Variants in BIRC6 observed in about 807,000 individuals in gnomAD.
BIRC6 encodes dual E2 ubiquitin-conjugating enzyme/E3 ubiquitin-protein ligase BIRC6.
A neutral mutation model predicts 503.3 loss-of-function variants in BIRC6; 98 were observed. The ratio of observed to expected loss-of-function variants is 0.19; its 90% CI spans 0.17 to 0.23. The LOEUF is 0.23. BIRC6 is among the 10% of genes least tolerant of loss of function. The probability of loss-of-function intolerance (pLI) is 1.00; values close to 1 mark genes in which losing one functional copy is unlikely to be tolerated. For synonymous variants in BIRC6, 2,240 were observed against 2,078.7 expected, an observed-to-expected ratio of 1.08 and a Z score of -2.11; for missense variants, 5,360 against 5,806.0, an observed-to-expected ratio of 0.92 and a Z score of 2.50.
Position 32,509,831 on chromosome 2 carries a change from G to C in BIRC6, c.10074G>C (p.Leu3358=). ...GTGCAGCTGCACCTACTGCTAATCT[G>C]CTGCAGACTTGTGCGGCCTTATTGA... ...MASAAAPTAN[L]LQTCAALLMS... The change falls in exon 52 of 74, where the codon CTG becomes CTC. Residue 3358 remains leucine (L), a synonymous_variant. Coordinates refer to ENST00000421745, the MANE Select transcript of BIRC6 (RefSeq NM_016252.4). 12 of 1,613,984 alleles carry C rather than the reference G, an allele frequency of 7.4e-6. No individual in the cohort carries two copies. Among genetic ancestry groups the C allele is most frequent in the Non-Finnish European group, 1.0e-5 (12 of 1,179,880 alleles).
intron 32 of BIRC6, among the ~76,000 whole-genome samples, chr2:32,472,735 T>C (rs557280265): frequency 6.6e-6 from 1 of 152,326 alleles, no homozygotes; most frequent in East Asian, 1.9e-4. Context: ...TTGAGTATCC[T>C]TTTTTGGTTC....
chr2:32,541,304 A>G (rs1260059796), intron 61 of BIRC6, among the ~76,000 whole-genome samples: 3 of 152,062 alleles, frequency 2.0e-5, no homozygotes, highest in Non-Finnish European at 2.9e-5. Context: ...CAATTAGGCT[A>G]TTTCATATTG....
At chr2:32,435,672 T>G in intron 14 of BIRC6, 87 bp downstream of exon 14, 1 of 1,356,316 alleles carries the variant, frequency 7.4e-7, no homozygotes, top group Non-Finnish European at 9.7e-7. Flanking sequence ...TCCTTATGGC[T>G]TGCAAAAACT....
chr2:32,452,972 A>G (rs1013413118), intron 22 of BIRC6, among the ~76,000 whole-genome samples: 2 of 151,984 alleles, frequency 1.3e-5, no homozygotes, highest in African/African-American at 2.4e-5. Context: ...ATAGTCCTTC[A>G]GCTGTTAATG....
chr2:32,390,002 G>C (rs1274220702), intron 4 of BIRC6, among the ~76,000 whole-genome samples: 1 of 151,746 alleles, frequency 6.6e-6, no homozygotes, highest in Non-Finnish European at 1.5e-5. Flanking sequence ...TGGGATTACA[G>C]ACATGTGCCA....
intron 31 of BIRC6, 48 bp downstream of exon 31, chr2:32,470,349 A>G: frequency 7.0e-7 from 1 of 1,427,822 alleles, no homozygotes; most frequent in Non-Finnish European, 9.4e-7. Flanking sequence ...ATTCCTGCAA[A>G]TATTTCTTTT....
Position 32,436,124 on chromosome 2 carries a change from G to A in BIRC6, c.3571G>A (p.Gly1191Ser). 1 of 1,498,406 alleles carries A rather than the reference G, an allele frequency of 6.7e-7. No individual in the cohort carries two copies. The highest frequency in any genetic ancestry group is 2.0e-5 in the Admixed American group (1 of 50,254). 92.8% of individuals were successfully genotyped at this position (1,498,406 alleles called of 1,614,324 possible). A position where few individuals can be genotyped will look rare whatever the true frequency, so the allele number is the denominator to read the frequency against. ...ILCGPVWLASGLDLSGHAGML... is the reference protein window; with the variant it reads ...ILCGPVWLASSLDLSGHAGML... Reference sequence around the variant, plus strand: ...ATGTGGGCCAGTATGGCTTGCTAGTGGCCTTGATCTATCAGGGCATGCTGG... The same window carrying A: ...ATGTGGGCCAGTATGGCTTGCTAGTAGCCTTGATCTATCAGGGCATGCTGG... The change falls in exon 15 of 74, where the codon GGC (glycine) becomes AGC (serine). Residue 1191 changes from glycine (G) to serine (S), a missense_variant. Gly to Ser is a moderately conservative substitution (Grantham distance 56). Transcript: ENST00000421745.
At chr2:32,427,425 A>G (rs1316935721) in intron 10 of BIRC6, among the ~76,000 whole-genome samples, 3 of 151,850 alleles carry the variant, frequency 2.0e-5, no homozygotes, top group East Asian at 3.9e-4. Context: ...TCAGGGGATT[A>G]CAGGCGCCTG....
chr2:32,448,313 T>G (rs1574283270), intron 21 of BIRC6, among the ~76,000 whole-genome samples: 4 of 110,352 alleles, frequency 3.6e-5, no homozygotes, highest in Admixed American at 9.1e-5. Flanking sequence ...GGCTGGGAGG[T>G]GGTTGTAGCG....
intron 65 of BIRC6, among the ~76,000 whole-genome samples, chr2:32,569,911 C>CT (rs112754687): frequency 0.052 from 7,778 of 148,598 alleles, 560 homozygotes; most frequent in African/African-American, 0.16. Flanking sequence ...GTTTGAATGC[C>CT]TTTTTTTTTT....
chr2:32,570,216 T>G (rs576812509), intron 65 of BIRC6, among the ~76,000 whole-genome samples: 1 of 152,332 alleles, frequency 6.6e-6, no homozygotes, highest in South Asian at 2.1e-4. Context: ...CATTTATGGA[T>G]TTGTGTGTGT....
chr2:32,563,376 G>A (rs1028097805), intron 65 of BIRC6: 6 of 152,072 alleles, frequency 3.9e-5, no homozygotes, highest in African/African-American at 1.4e-4. Flanking sequence ...AAATGGGGGG[G>A]CAGGAGAAAA....
intron 32 of BIRC6, among the ~76,000 whole-genome samples, chr2:32,472,333 T>G (rs1395046056): frequency 4.6e-5 from 7 of 152,062 alleles, no homozygotes; most frequent in Non-Finnish European, 1.0e-4. Flanking sequence ...CCTCCCAGAG[T>G]GCTGGGATTA....
intron 54 of BIRC6, 127 bp downstream of exon 54, chr2:32,513,281 C>A: frequency 1.5e-6 from 1 of 671,892 alleles, no homozygotes; most frequent in Non-Finnish European, 2.5e-6. Context: ...CAAATATAAT[C>A]AAGTATACTT....
At position 32,518,824 on chromosome 2, in the gene BIRC6, A is replaced by G. The variant is rs2055340267; in HGVS notation, c.11501A>G (p.Lys3834Arg). 2 of 1,612,988 alleles carry G rather than the reference A, an allele frequency of 1.2e-6. No homozygotes were observed. The highest frequency in any genetic ancestry group is 1.1e-5 in the South Asian group (1 of 91,060). ...TGATTTCTTGATTTTCAGCTGTACA[A>G]AGGTAGAATTAATGCTACTAGCCAC... ...MFLQSPCPLY[K>R]GRINATSHVI... The change falls in exon 57 of 74, where the codon AAA becomes AGA. Residue 3834 changes from lysine to arginine, a missense_variant. Physicochemically the swap from Lys to Arg is conservative, Grantham distance 26. Around this residue, in one of 16 missense-constraint regions of BIRC6, gnomAD observed 878 missense variants for 928.9 expected, o/e 0.95. Transcript: ENST00000421745.
Position 32,491,569 on chromosome 2 carries a change from G to A in BIRC6, c.8340+11G>A. 2 of 1,611,316 alleles carry A rather than the reference G, an allele frequency of 1.2e-6. No individual in the cohort carries two copies. The highest frequency in any genetic ancestry group is 2.2e-5 in the East Asian group (1 of 44,830). On this transcript the variant is annotated intron_variant, in intron 44 of 73. Transcript: ENST00000421745. ...CAACACAGTCCACAGGTAATATGAT[G>A]TTTAGCCTGGCATATGCCCAGACTA...
intron 27 of BIRC6, 78 bp from the exon 28 acceptor site, chr2:32,467,821 ATAAC>A (rs770217298): frequency 2.8e-6 from 4 of 1,440,280 alleles, no homozygotes; most frequent in Non-Finnish European, 1.9e-6. Flanking sequence ...ATTAAAAAAT[ATAAC>A]TATCTTTTTA....
chr2:32,589,653 T>G (rs1468262666), intron 66 of BIRC6, among the ~76,000 whole-genome samples: 1 of 152,168 alleles, frequency 6.6e-6, no homozygotes, highest in Non-Finnish European at 1.5e-5. Flanking sequence ...GGTAAACAAG[T>G]TCAGTTGTTT....
At chr2:32,368,857 G>A (rs1481675465) in intron 1 of BIRC6, among the ~76,000 whole-genome samples, 2 of 152,120 alleles carry the variant, frequency 1.3e-5, no homozygotes, top group South Asian at 2.1e-4. Context: ...TCACCATGTT[G>A]GCCAGGCTGG....
Sources: gnomAD v4.1 joint callset for allele counts (sites outside exome capture counted in the v4.1 genomes callset) on GRCh38, gnomAD v4.1.1 for gene constraint, gnomAD v4.1.1 regional missense constraint, MANE v1.5 for transcripts, NCBI Gene and HGNC (gene_info 2026-07-23, HGNC 2026-07-21) for gene names.